The following MYO3B variants were observed in gnomAD, a reference collection of about 807,000 sequenced individuals.
MYO3B encodes the protein myosin-IIIb.
MYO3B carries 156 observed loss-of-function variants against 174.6 expected under a neutral mutation model. The observed-to-expected ratio is 0.89, with a 90% CI of 0.78 to 1.02. MYO3B has a LOEUF of 1.02. Among genes scored for constraint, MYO3B ranks in the 50% least tolerant of loss-of-function variants. The pLI is 0.00. For missense variants in MYO3B, 1,632 were observed against 1,639.4 expected (o/e 1.00, Z 0.08); for synonymous variants, 563 against 569.1 (o/e 0.99, Z 0.15).
chr2:170,231,831 A>G (rs114046094), intron 6 of MYO3B, among the ~76,000 whole-genome samples: 297 of 152,348 alleles, frequency 1.9e-3, no homozygotes, highest in African/African-American at 6.9e-3. Context: ...CTACCCAAAG[A>G]TCACTTACTT....
At chr2:170,628,093 A>G (rs1200178648) in intron 32 of MYO3B, among the ~76,000 whole-genome samples, 1 of 152,166 alleles carries the variant, frequency 6.6e-6, no homozygotes. Context: ...GGGACATTTA[A>G]GTCTTCAGAG....
intron 16 of MYO3B, among the ~76,000 whole-genome samples, chr2:170,397,045 G>A (rs912713976): frequency 1.1e-4 from 17 of 152,228 alleles, no homozygotes; most frequent in African/African-American, 4.1e-4. Context: ...GTAACGAGGT[G>A]CTGTCATGTT....
intron 6 of MYO3B, among the ~76,000 whole-genome samples, chr2:170,224,984 C>T (rs914185103): frequency 2.6e-5 from 4 of 152,182 alleles, no homozygotes; most frequent in South Asian, 2.1e-4. Flanking sequence ...TTGGCATTGC[C>T]AGGGCTAGAG....
chr2:170,579,709 A>G (rs551238570), intron 32 of MYO3B, among the ~76,000 whole-genome samples: 1 of 152,350 alleles, frequency 6.6e-6, no homozygotes, highest in East Asian at 1.9e-4. Context: ...GCACCACCAC[A>G]GCCTGGGAGG....
intron 32 of MYO3B, among the ~76,000 whole-genome samples, chr2:170,643,329 T>A (rs915071458): frequency 2.6e-5 from 4 of 152,140 alleles, no homozygotes; most frequent in African/African-American, 7.2e-5. Flanking sequence ...AAAAGACAGG[T>A]CATGTCTTCA....
chr2:170,527,568 G>T (rs1689083187), intron 30 of MYO3B, among the ~76,000 whole-genome samples: 1 of 152,138 alleles, frequency 6.6e-6, no homozygotes, highest in African/African-American at 2.4e-5. Context: ...CTAATTCATG[G>T]CTTGGCCTGC....
rs759988252 is a variant in MYO3B, at chr2:170,386,204, G to A, written c.1306G>A (p.Gly436Arg). Residue 436 changes from glycine (G) to arginine (R), a missense_variant, in exon 13 of 35, where the codon GGA becomes AGA. Transcript: ENST00000408978. ...LSKDQCIVIS[G>R]ESGSGKTESA... is the part of the protein sequence containing the mutation. ...TCTGTGCCAGTGCATTGTCATCAGCGGAGAGAGTGGCTCTGGGAAGACAGA... is the reference window on the plus strand; with the variant it reads ...TCTGTGCCAGTGCATTGTCATCAGCAGAGAGAGTGGCTCTGGGAAGACAGA... The A allele has an allele frequency of 1.4e-5, 22 of 1,613,356 alleles. No individual in the cohort carries two copies. Among genetic ancestry groups the A allele is most frequent in the East Asian group, 6.7e-5 (3 of 44,854 alleles).
rs568658992 is a variant in MYO3B at position 170,370,900 on chromosome 2, CT to C, written c.971+1532del. Among the ~76,000 whole-genome samples the C allele has an allele frequency of 8.2e-3, 1,222 of 149,024 alleles. 12 individuals carry two copies. Among genetic ancestry groups the C allele is most frequent in the Middle Eastern group, 0.027 (8 of 294 alleles). On this transcript the variant is annotated intron_variant, in intron 9 of 34. Transcript: ENST00000408978. ...AGATCTATGCTCTCTCTCTCTCTCT[CT>C]TTTTTTTTCTTTTTTTTTCAAAAAG... is the stretch of plus-strand genomic sequence containing the variant.
At chr2:170,594,831 A>G (rs200265861) in intron 32 of MYO3B, among the ~76,000 whole-genome samples, 201 of 95,790 alleles carry the variant, frequency 2.1e-3, no homozygotes, top group East Asian at 0.012. Context: ...GCGCGCGCAC[A>G]CACACACACA....
chr2:170,558,117 C>T (rs141489110), intron 32 of MYO3B, among the ~76,000 whole-genome samples: 1,905 of 152,148 alleles, frequency 0.013, 51 homozygotes, highest in East Asian at 0.088. Flanking sequence ...CTGGCTAACA[C>T]GGTGAAATCC....
chr2:170,544,151 G>A (rs1404636305), intron 32 of MYO3B, among the ~76,000 whole-genome samples, 163 bp downstream of exon 32: 2 of 152,280 alleles, frequency 1.3e-5, no homozygotes, highest in Middle Eastern at 6.8e-3. Flanking sequence ...TGTATTAAAG[G>A]TAGCAGTTTA....
chr2:170,639,507 A>C (rs972982211), intron 32 of MYO3B, among the ~76,000 whole-genome samples: 3 of 152,234 alleles, frequency 2.0e-5, no homozygotes, highest in African/African-American at 7.2e-5. Flanking sequence ...CTCAGAATAA[A>C]GGAGTTTAAA....
intron 32 of MYO3B, among the ~76,000 whole-genome samples, chr2:170,631,439 G>C (rs1216619867): frequency 6.6e-6 from 1 of 152,068 alleles, no homozygotes; most frequent in East Asian, 1.9e-4. Context: ...GTACCTGAAA[G>C]TGATGGGGAG....
chr2:170,269,162 C>T (rs187066030), intron 7 of MYO3B, among the ~76,000 whole-genome samples: 18 of 152,224 alleles, frequency 1.2e-4, no homozygotes, highest in Admixed American at 7.9e-4. Context: ...GAGTGTGAGC[C>T]CGGCATTTAA....
chr2:170,192,725 T>G (rs2092555773), intron 1 of MYO3B, among the ~76,000 whole-genome samples: 1 of 151,588 alleles, frequency 6.6e-6, no homozygotes, highest in Admixed American at 6.6e-5. Context: ...CTTCTTAAGT[T>G]TTTTGCTTGA....
At chr2:170,364,787 A>G (rs2094186192) in intron 8 of MYO3B, among the ~76,000 whole-genome samples, 1 of 152,164 alleles carries the variant, frequency 6.6e-6, no homozygotes, top group Non-Finnish European at 1.5e-5. Flanking sequence ...ACAAACTTAA[A>G]CAGTAAGAAT....
chr2:170,232,803 A>T (rs751151919), intron 6 of MYO3B, among the ~76,000 whole-genome samples: 1 of 152,220 alleles, frequency 6.6e-6, no homozygotes, highest in Non-Finnish European at 1.5e-5. Context: ...GTACTCAATA[A>T]TTATTTGTGA....
chr2:170,241,219 A>G (rs981417027), intron 7 of MYO3B, among the ~76,000 whole-genome samples: 6 of 152,038 alleles, frequency 3.9e-5, no homozygotes, highest in African/African-American at 1.2e-4. Context: ...ACACTTTCTC[A>G]TGAAAGCAGT....
intron 25 of MYO3B, among the ~76,000 whole-genome samples, chr2:170,488,512 T>A (rs12692953): frequency 6.6e-6 from 1 of 151,962 alleles, no homozygotes; most frequent in African/African-American, 2.4e-5. Flanking sequence ...ATGACTGGCA[T>A]ACAGAAATAA....
Sources: allele counts gnomAD v4.1 joint callset (sites outside exome capture counted in the v4.1 genomes callset), GRCh38; gene constraint gnomAD v4.1.1; transcripts MANE v1.5; gene names NCBI Gene and HGNC (gene_info 2026-07-23, HGNC 2026-07-21).